Variants in OOEP observed in about 807,000 individuals in gnomAD.
OOEP encodes the protein oocyte-expressed protein homolog.
OOEP carries 16 observed loss-of-function variants against 13.7 expected under a neutral mutation model. The observed-to-expected ratio is 1.16, with a 90% CI of 0.79 to 1.77. OOEP has a LOEUF of 1.77. Ranked by LOEUF, OOEP falls within the 40% of genes most tolerant of loss-of-function variation. The pLI is 0.00. For missense variants in OOEP, 195 were observed against 193.1 expected, an observed-to-expected ratio of 1.01 and a Z score of -0.06; for synonymous variants, 89 against 77.1, an observed-to-expected ratio of 1.15 and a Z score of -0.81.
At chr6:73,380,728 G>A (rs1256275872) in intron 2 of OOEP, among the ~76,000 whole-genome samples, 2 of 152,008 alleles carry the variant, frequency 1.3e-5, no homozygotes, top group African/African-American at 4.8e-5. Context: ...TTTTTAAAGA[G>A]GACTTTAGAG....
intron 2 of OOEP, among the ~76,000 whole-genome samples, chr6:73,381,205 T>TAAAAAAAAAAAAA (rs66507015): frequency 4.0e-5 from 4 of 100,964 alleles, no homozygotes; most frequent in African/African-American, 4.2e-5. Flanking sequence ...AAAAAAGTGT[T>TAAAAAAAAAAAAA]AAAAAAAAAA....
At chr6:73,391,863 C>T (rs1381644608) in intron 2 of OOEP, 1 of 152,152 alleles carries the variant, frequency 6.6e-6, no homozygotes, top group Non-Finnish European at 1.5e-5. Context: ...CCACATATTC[C>T]CATTTCTTAG....
In OOEP at chr6:73,368,795, G is replaced by A. The variant is rs1239919866; in HGVS notation, c.439C>T (p.Pro147Ser). Reference protein sequence around the residue: ...HASDPHSPQDPVA With the variant: ...HASDPHSPQDSVA Reference sequence around the variant, plus strand: ...GTAACTATGTTGTCTTAAGCAACAGGATCCTGGGGAGAGTGGGGGTCTGAT... The same window carrying A: ...GTAACTATGTTGTCTTAAGCAACAGAATCCTGGGGAGAGTGGGGGTCTGAT... Residue 147 changes from proline (P) to serine (S), a missense_variant, in exon 3 of 3, where the codon CCT (proline) becomes TCT (serine). Coordinates refer to ENST00000370359, the MANE Select transcript of OOEP (RefSeq NM_001080507.3). The A allele has an allele frequency of 6.2e-7, 1 of 1,609,712 alleles. No homozygotes were observed. The highest frequency in any genetic ancestry group is 1.1e-5 in the South Asian group (1 of 90,962).
Position 73,386,091 on chromosome 6 carries a change from CT to C in OOEP, c.25+8254del, listed in dbSNP as rs553140658. Among the ~76,000 whole-genome samples, 273 of 134,770 alleles carry C rather than the reference CT, an allele frequency of 2.0e-3. 1 individual carries two copies. Among genetic ancestry groups the C allele is most frequent in the Middle Eastern group, 7.9e-3 (2 of 254 alleles). 88.4% of individuals were successfully genotyped at this position (134,770 alleles called of 152,430 possible). On this transcript the variant is annotated intron_variant, in intron 2 of 3. Coordinates refer to the OOEP transcript ENST00000370363. ...TAAAGAATACCAACAACATGCTTTT[CT>C]TTTTTTTTTTTTTTTTCCTGAGACA...
At chr6:73,380,149 A>G (rs921824964) in intron 2 of OOEP, among the ~76,000 whole-genome samples, 1 of 152,162 alleles carries the variant, frequency 6.6e-6, no homozygotes, top group Admixed American at 6.6e-5. Flanking sequence ...ACAGTATAAT[A>G]AAAAATCACA....
intron 2 of OOEP, among the ~76,000 whole-genome samples, chr6:73,380,704 T>G (rs1022612140): frequency 6.6e-6 from 1 of 152,162 alleles, no homozygotes; most frequent in Admixed American, 6.6e-5. Flanking sequence ...GATTAAACTT[T>G]GAGTTGTTTT....
chr6:73,372,011 G>C (rs906228040), upstream of OOEP, among the ~76,000 whole-genome samples: 9 of 152,108 alleles, frequency 5.9e-5, no homozygotes, highest in African/African-American at 2.2e-4. Flanking sequence ...AGGAGGTGGA[G>C]GCTAGCAGAT....
intron 2 of OOEP, chr6:73,394,220 CA>C (rs1400711209): frequency 3.3e-6 from 2 of 610,006 alleles, no homozygotes; most frequent in Non-Finnish European, 5.9e-6. Flanking sequence ...ACAACCATTT[CA>C]AAAACTAAAA....
upstream of OOEP, among the ~76,000 whole-genome samples, chr6:73,372,757 G>A (rs1769075714): frequency 6.6e-6 from 1 of 152,144 alleles, no homozygotes; most frequent in South Asian, 2.1e-4. Flanking sequence ...CACTTTTCCC[G>A]CCATCTGGGT....
exon 1 of OOEP, chr6:73,395,075 C>A: frequency 6.2e-7 from 1 of 1,614,150 alleles, no homozygotes; most frequent in African/African-American, 1.3e-5. Flanking sequence ...ACCTCTAGGC[C>A]CCCGGAGGCC....
rs372105159 is a variant in OOEP at position 73,369,300 on chromosome 6, G to A, written c.276C>T (p.Val92=). The A allele has an allele frequency of 2.1e-5, 34 of 1,613,852 alleles. No homozygotes were observed. The African/African-American group carries it at 3.1e-4, about 15-fold the overall frequency. The change falls in exon 2 of 3, where the codon GTC becomes GTT. Residue 92 remains valine, a synonymous_variant. Transcript: ENST00000370359. ...TVDIVDSGNL[V]EITVFGRPRV... ...GGGGCCGCCCGAAAACGGTGATTTC[G>A]ACTAGGTTCCCTGAGTCCACTATGT... is the stretch of plus-strand genomic sequence containing the variant.
chr6:73,370,287 T>G (rs7740005), upstream of OOEP, among the ~76,000 whole-genome samples: 4,060 of 152,282 alleles, frequency 0.027, 154 homozygotes, highest in African/African-American at 0.082. Flanking sequence ...CCTGTTGTTA[T>G]CTTCTGACTC....
chr6:73,377,377 T>C (rs1219689756), intron 2 of OOEP, among the ~76,000 whole-genome samples: 1 of 152,204 alleles, frequency 6.6e-6, no homozygotes, highest in African/African-American at 2.4e-5. Context: ...GAGTAGTTTC[T>C]GGGACGGCTT....
At chr6:73,379,429 A>T (rs910495412) in intron 2 of OOEP, among the ~76,000 whole-genome samples, 26 of 151,380 alleles carry the variant, frequency 1.7e-4, no homozygotes, top group African/African-American at 5.8e-4. Context: ...GGATCACTTG[A>T]GGTTAGAAGT....
chr6:73,382,214 A>ATTTTTTT, intron 2 of OOEP, among the ~76,000 whole-genome samples: 1 of 98,084 alleles, frequency 1.0e-5, no homozygotes, highest in Non-Finnish European at 1.9e-5. Flanking sequence ...CACCTGGCTA[A>ATTTTTTT]TTTTTTTTTT....
rs566210679 is a variant in OOEP, at chr6:73,389,175, CGGA to C, written c.25+5168_25+5170del. On this transcript the variant is annotated intron_variant, in intron 2 of 3. Coordinates refer to the OOEP transcript ENST00000370363. The stretch of plus-strand genomic sequence containing the variant: ...CGGACAGAAGAAACCGCCTGGCAGG[CGGA>C]GGAGAAAGGCCAGGGCTTCCCTCCT... Among the ~76,000 whole-genome samples the C allele has an allele frequency of 1.7e-4, 26 of 152,236 alleles. No homozygotes were observed. The East Asian group carries it at 5.0e-3, about 29-fold the overall frequency.
chr6:73,387,045 A>G (rs1376095897), intron 2 of OOEP, among the ~76,000 whole-genome samples: 1 of 149,622 alleles, frequency 6.7e-6, no homozygotes, highest in Non-Finnish European at 1.5e-5. Context: ...CAAAACTCTT[A>G]GCAGAAAACA....
In OOEP at chr6:73,368,557, T is replaced by C. The variant is rs1768993028; in HGVS notation, c.*227A>G. The C allele has an allele frequency of 2.3e-6, 1 of 427,958 alleles. No individual in the cohort carries two copies. Among genetic ancestry groups the C allele is most frequent in the Non-Finnish European group, 4.2e-6 (1 of 240,168 alleles). 26.5% of individuals were successfully genotyped at this position (427,958 alleles called of 1,614,324 possible). The stretch of plus-strand genomic sequence containing the variant: ...CAAAACATGAGTGGGAGTCAATCTT[T>C]TATAAATTTGCTTTATTATAAGTGT... On this transcript the variant is annotated 3_prime_UTR_variant, in exon 3 of 3. Coordinates refer to ENST00000370359, the MANE Select transcript of OOEP (RefSeq NM_001080507.3).
chr6:73,381,327 G>C (rs1769207036), intron 2 of OOEP, among the ~76,000 whole-genome samples: 1 of 152,012 alleles, frequency 6.6e-6, no homozygotes, highest in South Asian at 2.1e-4. Flanking sequence ...ACAAGATTTG[G>C]AATTCAGGCT....
Sources: allele counts gnomAD v4.1 joint callset (sites outside exome capture counted in the v4.1 genomes callset), GRCh38; gene constraint gnomAD v4.1.1; transcripts MANE v1.5; gene names NCBI Gene and HGNC (gene_info 2026-07-23, HGNC 2026-07-21).